The following HIPK3 variants were observed in gnomAD, a reference collection of about 807,000 sequenced individuals.
HIPK3 encodes homeodomain interacting protein kinase 3, also known as homeodomain-interacting protein kinase 3.
HIPK3 carries 47 observed loss-of-function variants against 124.2 expected under a neutral mutation model. The observed-to-expected ratio is 0.38, with a 90% confidence interval of 0.30 to 0.48. The LOEUF is 0.48. Ranked by LOEUF, HIPK3 falls within the 20% of genes least tolerant of loss-of-function variation. HIPK3 has a pLI of 0.98. For synonymous variants in HIPK3, 482 were observed against 515.2 expected, an observed-to-expected ratio of 0.94 and a Z score of 0.87; for missense variants, 1,286 against 1,454.3, an observed-to-expected ratio of 0.88 and a Z score of 1.88.
At position 33,257,422 on chromosome 11, in the gene HIPK3, C is replaced by T. The variant is rs1257642929; in HGVS notation, c.-470C>T. 1.0e-6 allele frequency: 1 copy of T among 985,080 alleles called. No individual in the cohort carries two copies. 61.0% of individuals were successfully genotyped at this position (985,080 alleles called of 1,614,324 possible). A position where few individuals can be genotyped will look rare whatever the true frequency, so the allele number is the denominator to read the frequency against. ...GTGACGACTGCCGGCATCGCGGCGA[C>T]CTGAGGAGATCAAGCCGCAGGCCCC... On this transcript the variant is annotated 5_prime_UTR_variant, in exon 1 of 17. Coordinates refer to ENST00000303296, the MANE Select transcript of HIPK3 (RefSeq NM_005734.5).
Position 33,353,403 on chromosome 11 carries a change from TCAC to T in HIPK3, c.3486_3488del (p.His1162del), listed in dbSNP as rs141782878. The T allele has an allele frequency of 3.6e-4, 583 of 1,614,110 alleles. 3 individuals carry two copies. The African/African-American group carries it at 6.0e-3, about 16-fold the overall frequency. On this transcript the variant is annotated inframe_deletion, in exon 17 of 17. Transcript: ENST00000303296. Reference sequence around the variant, plus strand: ...ATATCTCCCATCCCAGTGGCATAGTTCACCAAGTCCCAGTGGGCTTAAATCCCC... The same window carrying T: ...ATATCTCCCATCCCAGTGGCATAGTTCAAGTCCCAGTGGGCTTAAATCCCC...
In HIPK3 at chr11:33,356,709, ATT is replaced by A. The variant is rs1366413666; in HGVS notation, c.*3144_*3145del. The stretch of plus-strand genomic sequence containing the variant: ...AGTTTGAACTGTTAATTGTTTAACA[ATT>A]TTAGACTTGTGGCTTTCTTTCTTTG... On this transcript the variant is annotated 3_prime_UTR_variant, in exon 17 of 17. Transcript: ENST00000303296. The A allele has an allele frequency of 6.6e-6, 1 of 152,124 alleles. No homozygotes were observed. Among genetic ancestry groups the A allele is most frequent in the Non-Finnish European group, 1.5e-5 (1 of 67,958 alleles). 9.4% of individuals were successfully genotyped at this position (152,124 alleles called of 1,614,324 possible).
At chr11:33,310,702 G>A (rs1852310053) in intron 2 of HIPK3, among the ~76,000 whole-genome samples, 1 of 152,208 alleles carries the variant, frequency 6.6e-6, no homozygotes, top group African/African-American at 2.4e-5. Context: ...AGCTACATGT[G>A]CAGATAGAGA....
At chr11:33,276,463 T>C (rs1029708994) in intron 1 of HIPK3, among the ~76,000 whole-genome samples, 11 of 152,222 alleles carry the variant, frequency 7.2e-5, no homozygotes, top group Non-Finnish European at 1.6e-4. Context: ...GAAATAACTT[T>C]TGGATATTCA....
intron 1 of HIPK3, among the ~76,000 whole-genome samples, chr11:33,269,381 A>G (rs1238141257): frequency 6.6e-6 from 1 of 152,132 alleles, no homozygotes; most frequent in Non-Finnish European, 1.5e-5. Context: ...TCATTCCCCC[A>G]AGATTACTCA....
chr11:33,327,010 T>G (rs1852831265), intron 2 of HIPK3, among the ~76,000 whole-genome samples: 1 of 152,042 alleles, frequency 6.6e-6, no homozygotes, highest in African/African-American at 2.4e-5. Flanking sequence ...AAATAAGTAA[T>G]TATAGTCATG....
chr11:33,267,502 ATTT>A (rs549211224), intron 1 of HIPK3, among the ~76,000 whole-genome samples: 3 of 135,112 alleles, frequency 2.2e-5, no homozygotes, highest in African/African-American at 5.5e-5. Context: ...TATTATTATT[ATTT>A]TTTTTTTTGA....
At chr11:33,331,184 C>T (rs569112049) in intron 3 of HIPK3, among the ~76,000 whole-genome samples, 2 of 151,948 alleles carry the variant, frequency 1.3e-5, no homozygotes, top group South Asian at 2.1e-4. Flanking sequence ...CGCCTGGCCA[C>T]ATATGTTTCT....
At chr11:33,309,834 AT>A (rs1232765827) in intron 2 of HIPK3, among the ~76,000 whole-genome samples, 1 of 152,216 alleles carries the variant, frequency 6.6e-6, no homozygotes, top group East Asian at 1.9e-4. Flanking sequence ...AAAGCTTAAT[AT>A]TTGTTTATGG....
chr11:33,267,934 A>C (rs898680372), intron 1 of HIPK3, among the ~76,000 whole-genome samples: 1 of 152,166 alleles, frequency 6.6e-6, no homozygotes, highest in Admixed American at 6.5e-5. Context: ...TTCTTGGCCA[A>C]GCTTGGTGGC....
Position 33,338,768 on chromosome 11 carries a change from G to A in HIPK3, c.1353G>A (p.Glu451=), listed in dbSNP as rs753203801. The part of the protein sequence containing the change: ...HSGWRLKTLE[E]HEAETGMKSK... ...ATATATGCAATAAGACATTGGAAGA[G>A]CATGAGGCAGAGACAGGAATGAAGT... The change falls in exon 5 of 17, where the codon GAG becomes GAA. Residue 451 remains glutamate, a synonymous_variant. Transcript: ENST00000303296. 10 of 1,608,494 alleles carry A rather than the reference G, an allele frequency of 6.2e-6. No homozygotes were observed. In the East Asian group the frequency reaches 1.6e-4, roughly 25 times the overall value.
At chr11:33,288,600 G>T (rs1851618155) in intron 2 of HIPK3, among the ~76,000 whole-genome samples, 1 of 152,122 alleles carries the variant, frequency 6.6e-6, no homozygotes, top group Non-Finnish European at 1.5e-5. Context: ...GGAAGTTAAA[G>T]AAGAAAATAA....
Position 33,286,985 on chromosome 11 carries a change from T to A in HIPK3, c.571T>A (p.Cys191Ser). The part of the protein sequence containing the change: ...DYQLVQHEVL[C>S]SMKNTYEVLD... ...TCAGTTAGTACAGCATGAAGTCTTA[T>A]GCTCCATGAAAAATACTTACGAAGT... The change falls in exon 2 of 17, where the codon TGC (cysteine) becomes AGC (serine). Residue 191 changes from cysteine to serine, a missense_variant. Physicochemically the swap from Cys to Ser is moderately radical, Grantham distance 112. This residue lies in a region of HIPK3 where 225 missense variants were observed against 240.3 expected (regional missense o/e 0.94). Coordinates refer to ENST00000303296, the MANE Select transcript of HIPK3 (RefSeq NM_005734.5). 6.2e-7 allele frequency: 1 copy of A among 1,614,176 alleles called. No individual in the cohort carries two copies. Among genetic ancestry groups the A allele is most frequent in the Non-Finnish European group, 8.5e-7 (1 of 1,179,988 alleles).
upstream of HIPK3, among the ~76,000 whole-genome samples, chr11:33,257,062 T>C (rs975823886): frequency 6.6e-6 from 1 of 152,162 alleles, no homozygotes; most frequent in East Asian, 1.9e-4. Context: ...TTTTTAAAAA[T>C]GTGTATTTCT....
intron 2 of HIPK3, among the ~76,000 whole-genome samples, chr11:33,303,157 CCA>C (rs950000262): frequency 1.3e-5 from 2 of 152,166 alleles, no homozygotes; most frequent in African/African-American, 4.8e-5. Context: ...ACATCAAAAT[CCA>C]CAGACACTCA....
chr11:33,355,446 T>G lies in HIPK3; in HGVS notation c.*1878T>G, dbSNP rs1251596142. 6.6e-6 allele frequency: 1 copy of G among 151,986 alleles called. No homozygotes were observed. Among genetic ancestry groups the G allele is most frequent in the African/African-American group, 2.4e-5 (1 of 41,428 alleles). 9.4% of individuals were successfully genotyped at this position (151,986 alleles called of 1,614,324 possible). Reference sequence around the variant, plus strand: ...CTGTATCTTGCAGGCTTGACTTAACTTTTTTCCTTAAAAATCTGGAATATA... The same window carrying G: ...CTGTATCTTGCAGGCTTGACTTAACGTTTTTCCTTAAAAATCTGGAATATA... On this transcript the variant is annotated 3_prime_UTR_variant, in exon 17 of 17. Coordinates refer to ENST00000303296, the MANE Select transcript of HIPK3 (RefSeq NM_005734.5).
chr11:33,348,736 T>C lies in HIPK3; in HGVS notation c.2584T>C (p.Ser862Pro). The change falls in exon 13 of 17, where the codon TCC becomes CCC. Residue 862 changes from serine to proline, a missense_variant. Coordinates refer to ENST00000303296, the MANE Select transcript of HIPK3 (RefSeq NM_005734.5). Reference protein sequence around the residue: ...KQRQTIIIADSPSPAVSVITI... With the variant: ...KQRQTIIIADPPSPAVSVITI... The stretch of plus-strand genomic sequence containing the variant: ...GCGGCAAACCATCATTATTGCCGAC[T>C]CCCCGAGTCCTGCAGTGAGTGTCAT... 6.2e-7 allele frequency: 1 copy of C among 1,614,100 alleles called. No individual in the cohort carries two copies. Among genetic ancestry groups the C allele is most frequent in the Non-Finnish European group, 8.5e-7 (1 of 1,179,968 alleles).
chr11:33,276,503 A>G (rs1851274393), intron 1 of HIPK3, among the ~76,000 whole-genome samples: 1 of 152,172 alleles, frequency 6.6e-6, no homozygotes, highest in Admixed American at 6.5e-5. Context: ...AATCACGTTC[A>G]TATCTGAGAT....
At chr11:33,323,554 A>G (rs1199288274) in intron 2 of HIPK3, among the ~76,000 whole-genome samples, 1 of 152,212 alleles carries the variant, frequency 6.6e-6, no homozygotes, top group Non-Finnish European at 1.5e-5. Context: ...GATTCCATTT[A>G]TATGAAATGT....
Sources: gnomAD v4.1 joint callset for allele counts (sites outside exome capture counted in the v4.1 genomes callset) on GRCh38, gnomAD v4.1.1 for gene constraint, gnomAD v4.1.1 regional missense constraint, MANE v1.5 for transcripts, NCBI Gene and HGNC (gene_info 2026-07-23, HGNC 2026-07-21) for gene names.